Variants in PRPF39 observed in about 807,000 individuals in gnomAD.
PRPF39 encodes the protein pre-mRNA processing factor 39.
In PRPF39, 27 loss-of-function variants were observed where a neutral mutation model predicts 82.1. That is an observed-to-expected ratio of 0.33 (90% confidence interval 0.24 to 0.45). The LOEUF is 0.45. Ranked by LOEUF, PRPF39 falls within the 20% of genes least tolerant of loss-of-function variation. The probability of loss-of-function intolerance (pLI) is 1.00; values close to 1 mark genes in which losing one functional copy is unlikely to be tolerated. For missense variants in PRPF39, 581 were observed against 796.9 expected, an observed-to-expected ratio of 0.73 and a Z score of 3.26; for synonymous variants, 261 against 256.4, an observed-to-expected ratio of 1.02 and a Z score of -0.17.
At chr14:45,105,986 T>C (rs1425962197) in intron 5 of PRPF39, among the ~76,000 whole-genome samples, 1 of 152,118 alleles carries the variant, frequency 6.6e-6, no homozygotes, top group East Asian at 1.9e-4. Flanking sequence ...TGGTATCTAA[T>C]GTAAATGAAA....
intron 10 of PRPF39, among the ~76,000 whole-genome samples, chr14:45,112,110 G>A (rs1884715334): frequency 6.6e-6 from 1 of 152,046 alleles, no homozygotes; most frequent in Admixed American, 6.6e-5. Flanking sequence ...GGAGGTACTA[G>A]GATGATCAAC....
chr14:45,102,674 C>G lies in PRPF39; in HGVS notation c.715C>G (p.Leu239Val), dbSNP rs748679381. 1.3e-5 allele frequency: 21 copies of G among 1,603,176 alleles called. No homozygotes were observed. The South Asian group carries it at 2.4e-4, about 18-fold the overall frequency. The change falls in exon 5 of 14, where the codon CTG becomes GTG. Residue 239 changes from leucine (L) to valine (V), a missense_variant. Transcript: ENST00000355765. ...TCGTATTCTTGGTATTCCAACACAG[C>G]TGTATAGTCATCATTTTCAGAGGTA... Reference protein sequence around the residue: ...YDRILGIPTQLYSHHFQRFKE... With the variant: ...YDRILGIPTQVYSHHFQRFKE...
At chr14:45,094,816 C>A (rs1418644986) in intron 1 of PRPF39, among the ~76,000 whole-genome samples, 1 of 152,080 alleles carries the variant, frequency 6.6e-6, no homozygotes, top group Non-Finnish European at 1.5e-5. Flanking sequence ...CTTTTAGCCT[C>A]CAGAACAGTT....
At position 45,109,718 on chromosome 14, in the gene PRPF39, G is replaced by A; in HGVS notation, c.1114G>A (p.Val372Ile). The A allele has an allele frequency of 6.2e-7, 1 of 1,608,730 alleles. No homozygotes were observed. Among genetic ancestry groups the A allele is most frequent in the Non-Finnish European group, 8.5e-7 (1 of 1,177,154 alleles). The change falls in exon 8 of 14, where the codon GTT becomes ATT. Residue 372 changes from valine (V) to isoleucine (I), a missense_variant. Coordinates refer to ENST00000355765, the MANE Select transcript of PRPF39 (RefSeq NM_017922.4). ...AATTGAAAATGGGACTCATGAACGAGTTGTGGTTCTCTTTGAAAGATGTGT... is the reference window on the plus strand; with the variant it reads ...AATTGAAAATGGGACTCATGAACGAATTGTGGTTCTCTTTGAAAGATGTGT... ...FEIENGTHER[V>I]VVLFERCVIS...
At chr14:45,103,827 C>CT (rs1884447830) in intron 5 of PRPF39, among the ~76,000 whole-genome samples, 1 of 152,106 alleles carries the variant, frequency 6.6e-6, no homozygotes, top group Non-Finnish European at 1.5e-5. Flanking sequence ...AAGAGGGTGT[C>CT]TTTTCATAGA....
At position 45,084,219 on chromosome 14, in the gene PRPF39, G is replaced by A. The variant is rs553343896; in HGVS notation, c.-50G>A. On this transcript the variant is annotated 5_prime_UTR_variant, in exon 1 of 14. Transcript: ENST00000355765. ...TTCGGCTAGGTCGTCACAGGCTCCG[G>A]CTCATGGCATCAAGTGGCATCCATC... is the stretch of plus-strand genomic sequence containing the variant. 1.5e-3 allele frequency: 237 copies of A among 153,138 alleles called. No individual in the cohort carries two copies. The highest frequency in any genetic ancestry group is 5.7e-4 in the Non-Finnish European group (39 of 68,332). The allele number at this position is 153,138 out of a possible 1,614,324, so 9.5% of individuals were successfully genotyped here. A position where few individuals can be genotyped will look rare whatever the true frequency, so the allele number is the denominator to read the frequency against.
intron 5 of PRPF39, among the ~76,000 whole-genome samples, chr14:45,105,808 C>A: frequency 6.6e-6 from 1 of 151,778 alleles, no homozygotes; most frequent in East Asian, 1.9e-4. Context: ...TTACAGGCGT[C>A]AGCAGGCGCC....
At position 45,110,828 on chromosome 14, in the gene PRPF39, G is replaced by T. The variant is rs950981673; in HGVS notation, c.1572+11G>T. The T allele has an allele frequency of 1.9e-6, 3 of 1,539,828 alleles. No individual in the cohort carries two copies. The highest frequency in any genetic ancestry group is 2.6e-6 in the Non-Finnish European group (3 of 1,140,242). On this transcript the variant is annotated intron_variant, in intron 10 of 13. Coordinates refer to ENST00000355765, the MANE Select transcript of PRPF39 (RefSeq NM_017922.4). This position sits in a 1 kb window ranked among gnomAD's most constrained non-coding sequence, Gnocchi z 4.0. ...ATCGAAAGAGACAAAGTATGCATTT[G>T]TATTTTTAAGAGTATCTTCTATTAA...
intron 1 of PRPF39, among the ~76,000 whole-genome samples, chr14:45,094,004 A>C (rs530837778): frequency 6.6e-6 from 1 of 152,220 alleles, no homozygotes; most frequent in South Asian, 2.1e-4. Flanking sequence ...ATTTTGATTT[A>C]TGTCTTTATT....
intron 1 of PRPF39, among the ~76,000 whole-genome samples, chr14:45,087,575 T>C (rs1252199186): frequency 6.7e-6 from 1 of 149,706 alleles, no homozygotes; most frequent in African/African-American, 2.5e-5. Context: ...TTTTTTTTGT[T>C]TTGTTTTGTT....
intron 10 of PRPF39, among the ~76,000 whole-genome samples, chr14:45,111,490 G>A (rs772701807): frequency 7.9e-5 from 12 of 151,472 alleles, no homozygotes; most frequent in Non-Finnish European, 1.5e-4. Context: ...ATGCATCACC[G>A]CGTCCGGCTG....
intron 4 of PRPF39, among the ~76,000 whole-genome samples, chr14:45,097,924 T>C (rs1047833279): frequency 2.0e-5 from 3 of 152,236 alleles, no homozygotes; most frequent in Admixed American, 2.0e-4. Context: ...TTTCTTCTGG[T>C]ATTTTCCACC....
chr14:45,086,098 C>T (rs1345435786), intron 1 of PRPF39, among the ~76,000 whole-genome samples: 1 of 152,072 alleles, frequency 6.6e-6, no homozygotes, highest in Non-Finnish European at 1.5e-5. Flanking sequence ...TGCGCGCCAC[C>T]ACGCCTAATT....
chr14:45,094,757 C>A (rs1884146383), intron 1 of PRPF39, among the ~76,000 whole-genome samples: 1 of 152,128 alleles, frequency 6.6e-6, no homozygotes, highest in South Asian at 2.1e-4. Flanking sequence ...AAGTGATGAG[C>A]TTCCTTTTGA....
At position 45,108,472 on chromosome 14, in the gene PRPF39, T is replaced by C. The variant is rs1275571932; in HGVS notation, c.961T>C (p.Phe321Leu). ...HRIIEIHQEM[F>L]NYNEHEVSKR... ...AATCATTGAGATTCATCAAGAAATG[T>C]TTAATTATAATGAGCATGAAGTTAG... is the stretch of plus-strand genomic sequence containing the variant. The change falls in exon 7 of 14, where the codon TTT (phenylalanine) becomes CTT (leucine). Residue 321 changes from phenylalanine (F) to leucine (L), a missense_variant. Phe to Leu is a conservative substitution (Grantham distance 22, BLOSUM62 0). Coordinates refer to ENST00000355765, the MANE Select transcript of PRPF39 (RefSeq NM_017922.4). 20 of 1,602,350 alleles carry C rather than the reference T, an allele frequency of 1.2e-5. No individual in the cohort carries two copies. The highest frequency in any genetic ancestry group is 1.7e-5 in the Non-Finnish European group (20 of 1,176,686).
At chr14:45,094,880 G>A (rs116300427) in intron 1 of PRPF39, among the ~76,000 whole-genome samples, 1,601 of 152,212 alleles carry the variant, frequency 0.011, 31 homozygotes, top group African/African-American at 0.037. Context: ...TTCAGGCACC[G>A]AATCAGATTC....
At chr14:45,105,414 A>G (rs1473597583) in intron 5 of PRPF39, among the ~76,000 whole-genome samples, 1 of 152,010 alleles carries the variant, frequency 6.6e-6, no homozygotes, top group African/African-American at 2.4e-5. Context: ...TAATTTTTTA[A>G]CATAAGGCAA....
intron 4 of PRPF39, among the ~76,000 whole-genome samples, chr14:45,100,357 CTT>C (rs1254607129): frequency 2.6e-5 from 4 of 152,214 alleles, no homozygotes; most frequent in Non-Finnish European, 5.9e-5. Context: ...TGTGGCCACT[CTT>C]TTTGCTGGTG....
chr14:45,099,865 G>A (rs1225544011), intron 4 of PRPF39, among the ~76,000 whole-genome samples: 1 of 152,120 alleles, frequency 6.6e-6, no homozygotes, highest in African/African-American at 2.4e-5. Context: ...AAGGATAGTT[G>A]AGATTTTCCT....
Sources: gnomAD v4.1 joint callset for allele counts (sites outside exome capture counted in the v4.1 genomes callset) on GRCh38, gnomAD v4.1.1 for gene constraint, Gnocchi (gnomAD v3.1) non-coding constraint, MANE v1.5 for transcripts, NCBI Gene and HGNC (gene_info 2026-07-23, HGNC 2026-07-21) for gene names.